The following RSU1 variants were observed in gnomAD, a reference collection of about 807,000 sequenced individuals.
RSU1 encodes rsu-1.
Under a neutral mutation model 31.1 loss-of-function variants are expected in RSU1, and 26 were observed. That is an observed-to-expected ratio of 0.84 (90% CI 0.61 to 1.16). The LOEUF is 1.16. RSU1 is among the 50% of genes most tolerant of loss of function. The probability of loss-of-function intolerance (pLI) is 0.00; values close to 1 mark genes in which losing one functional copy is unlikely to be tolerated. For missense variants in RSU1, 320 were observed against 339.1 expected, an observed-to-expected ratio of 0.94 and a Z score of 0.44; for synonymous variants, 164 against 136.3, an observed-to-expected ratio of 1.20 and a Z score of -1.41.
chr10:16,811,890 A>G (rs1838417199), intron 2 of RSU1, among the ~76,000 whole-genome samples: 1 of 152,202 alleles, frequency 6.6e-6, no homozygotes, highest in Non-Finnish European at 1.5e-5. Flanking sequence ...TACTATGCCA[A>G]GTAGAGAGAC....
intron 8 of RSU1, among the ~76,000 whole-genome samples, chr10:16,668,835 G>A (rs529972601): frequency 3.3e-5 from 5 of 152,236 alleles, no homozygotes; most frequent in Admixed American, 3.3e-4. Context: ...TCAATTTGCC[G>A]TTTCAAGAGT....
At chr10:16,616,177 A>T (rs928944681) in intron 8 of RSU1, among the ~76,000 whole-genome samples, 1 of 152,002 alleles carries the variant, frequency 6.6e-6, no homozygotes, top group Admixed American at 6.6e-5. Context: ...AGGGGATATC[A>T]CCCCTGATCC....
chr10:16,661,287 C>CGTGTGTGTGTGT lies in RSU1; in HGVS notation c.731+33724_731+33735dup, dbSNP rs56675037. 4.0e-3 allele frequency among the ~76,000 whole-genome samples: 526 copies of CGTGTGTGTGTGT among 132,898 alleles called. 6 individuals carry two copies. Among genetic ancestry groups the CGTGTGTGTGTGT allele is most frequent in the Admixed American group, 0.019 (246 of 13,172 alleles). 87.2% of individuals were successfully genotyped at this position (132,898 alleles called of 152,430 possible). On this transcript the variant is annotated intron_variant, in intron 8 of 8. Transcript: ENST00000345264. The stretch of plus-strand genomic sequence containing the variant: ...GTGTATGTGTGATATGTAGAGAGTG[C>CGTGTGTGTGTGT]GTGTGTGTGTGTGTGTGTGTGTGTG...
intron 7 of RSU1, 167 bp downstream of exon 7, chr10:16,752,372 G>C (rs1243040965): frequency 1.8e-6 from 1 of 567,102 alleles, no homozygotes; most frequent in African/African-American, 1.9e-5. Flanking sequence ...GGTCAAACCT[G>C]TAACAGCTAA....
intron 8 of RSU1, among the ~76,000 whole-genome samples, chr10:16,682,573 T>C (rs59131699): frequency 0.2 from 3,902 of 19,362 alleles, 243 homozygotes; most frequent in African/African-American, 0.47. Flanking sequence ...CACACACACA[T>C]GCATGCATGT....
At chr10:16,720,904 T>G (rs1344441457) in intron 7 of RSU1, among the ~76,000 whole-genome samples, 1 of 152,196 alleles carries the variant, frequency 6.6e-6, no homozygotes. Flanking sequence ...GAGGATCACC[T>G]GAGCCCTGAG....
At chr10:16,750,518 T>C (rs1836956463) in intron 7 of RSU1, among the ~76,000 whole-genome samples, 2 of 152,194 alleles carry the variant, frequency 1.3e-5, no homozygotes, top group Non-Finnish European at 2.9e-5. Context: ...TTTTAAAATA[T>C]ATACATAGGC....
In RSU1 at chr10:16,624,081, G is replaced by C. The variant is rs77595384; in HGVS notation, c.732-30585C>G. Among the ~76,000 whole-genome samples the C allele has an allele frequency of 5.3e-5, 8 of 152,094 alleles. No individual in the cohort carries two copies. The East Asian group carries it at 9.7e-4, about 18-fold the overall frequency. ...TTACCCATAACTAGGTATTGTTCTA[G>C]GTACAATTTTATGACGTGCTGGGTG... On this transcript the variant is annotated intron_variant, in intron 8 of 8. Transcript: ENST00000345264.
At chr10:16,643,938 G>GT (rs1453759421) in intron 8 of RSU1, among the ~76,000 whole-genome samples, 1 of 151,930 alleles carries the variant, frequency 6.6e-6, no homozygotes, top group East Asian at 1.9e-4. Flanking sequence ...CCAATACAGT[G>GT]TAACAACTAT....
chr10:16,792,103 C>A (rs1159659947), intron 2 of RSU1, among the ~76,000 whole-genome samples: 1 of 152,120 alleles, frequency 6.6e-6, no homozygotes, highest in African/African-American at 2.4e-5. Flanking sequence ...GAGCATTGGC[C>A]ATCTTGGACT....
At chr10:16,722,875 TAC>T (rs1283727711) in intron 7 of RSU1, among the ~76,000 whole-genome samples, 23 of 136,914 alleles carry the variant, frequency 1.7e-4, no homozygotes, top group African/African-American at 3.4e-4. Context: ...TATGTATATA[TAC>T]ACACATATAC....
At chr10:16,748,385 C>T (rs796998951) in intron 7 of RSU1, 4 of 145,926 alleles carry the variant, frequency 2.7e-5, no homozygotes, top group African/African-American at 1.1e-4. Flanking sequence ...TCTACTCCTA[C>T]CTCTGACCCT....
chr10:16,798,532 T>A (rs1838086544), intron 2 of RSU1, among the ~76,000 whole-genome samples: 1 of 152,132 alleles, frequency 6.6e-6, no homozygotes, highest in South Asian at 2.1e-4. Flanking sequence ...CACTTCTCCA[T>A]CCTACTGCCT....
chr10:16,791,560 C>T (rs946267944), intron 2 of RSU1, among the ~76,000 whole-genome samples: 4 of 148,858 alleles, frequency 2.7e-5, no homozygotes, highest in Non-Finnish European at 4.4e-5. Context: ...AACCAGGAGG[C>T]GGAGGTTGCA....
At chr10:16,719,844 T>C (rs1836218962) in intron 7 of RSU1, among the ~76,000 whole-genome samples, 1 of 152,210 alleles carries the variant, frequency 6.6e-6, no homozygotes, top group South Asian at 2.1e-4. Context: ...AACAAAAATG[T>C]TTGCCTTAAA....
chr10:16,657,772 C>A (rs1354021263), intron 8 of RSU1, among the ~76,000 whole-genome samples: 2 of 152,204 alleles, frequency 1.3e-5, no homozygotes, highest in East Asian at 1.9e-4. Flanking sequence ...GCGGGCAGAT[C>A]ACTTGAGGCC....
At chr10:16,792,130 G>A (rs1234790973) in intron 2 of RSU1, among the ~76,000 whole-genome samples, 2 of 152,176 alleles carry the variant, frequency 1.3e-5, no homozygotes, top group African/African-American at 4.8e-5. Flanking sequence ...GAAAGGTTCT[G>A]TAACGTTGGT....
intron 2 of RSU1, among the ~76,000 whole-genome samples, chr10:16,814,743 T>C (rs1328468398): frequency 6.6e-6 from 1 of 152,194 alleles, no homozygotes; most frequent in Non-Finnish European, 1.5e-5. Flanking sequence ...AGTACTATTA[T>C]CCGTTGTTAG....
In RSU1 at chr10:16,669,372, T is replaced by C. The variant is rs574555832; in HGVS notation, c.731+25651A>G. Reference sequence around the variant, plus strand: ...TTGAAATTAACATTTTCTGTTTTTTTTCCCCCCCCAAAGCACCATACTGCT... The same window carrying C: ...TTGAAATTAACATTTTCTGTTTTTTCTCCCCCCCCAAAGCACCATACTGCT... On this transcript the variant is annotated intron_variant, in intron 8 of 8. Transcript: ENST00000345264. 2.7e-3 allele frequency among the ~76,000 whole-genome samples: 402 copies of C among 150,308 alleles called. 2 individuals are homozygous for C. The highest frequency in any genetic ancestry group is 9.3e-3 in the African/African-American group (375 of 40,390).
Sources: gnomAD v4.1 joint callset for allele counts (sites outside exome capture counted in the v4.1 genomes callset) on GRCh38, gnomAD v4.1.1 for gene constraint, MANE v1.5 for transcripts, NCBI Gene and HGNC (gene_info 2026-07-23, HGNC 2026-07-21) for gene names.